The following RPS6KA2 variants were observed in gnomAD, a reference collection of about 807,000 sequenced individuals.
RPS6KA2 encodes ribosomal protein S6 kinase A2.
A neutral mutation model predicts 91.8 loss-of-function variants in RPS6KA2; 42 were observed. The observed-to-expected ratio is 0.46, with a 90% CI of 0.36 to 0.59. The LOEUF is 0.59. Ranked by LOEUF, RPS6KA2 falls within the 20% of genes least tolerant of loss-of-function variation. The probability of loss-of-function intolerance (pLI) is 0.00; values close to 1 mark genes in which losing one functional copy is unlikely to be tolerated. For synonymous variants in RPS6KA2, 414 were observed against 393.6 expected, an observed-to-expected ratio of 1.05 and a Z score of -0.61; for missense variants, 798 against 978.5, an observed-to-expected ratio of 0.82 and a Z score of 2.46.
chr6:166,681,284 C>T (rs766994635), intron 2 of RPS6KA2, among the ~76,000 whole-genome samples: 12 of 152,196 alleles, frequency 7.9e-5, no homozygotes, highest in African/African-American at 1.4e-4. Context: ...GTGGGTTGCA[C>T]AATGGACTTG....
At chr6:166,708,618 C>T (rs911668892) in intron 2 of RPS6KA2, among the ~76,000 whole-genome samples, 2 of 152,206 alleles carry the variant, frequency 1.3e-5, no homozygotes, top group African/African-American at 4.8e-5. Context: ...CAAGACGTTT[C>T]GCAGGTCCTG....
Position 166,418,405 on chromosome 6 carries a change from A to T in RPS6KA2, c.1821-63T>A. ...TTTTACAACCTAAAATAAAGTTTGCAAGTTGATATCACCCCTTGGCTGTTC... is the reference window on the plus strand; with the variant it reads ...TTTTACAACCTAAAATAAAGTTTGCTAGTTGATATCACCCCTTGGCTGTTC... On this transcript the variant is annotated intron_variant, in intron 18 of 20. Coordinates refer to ENST00000265678, the MANE Select transcript of RPS6KA2 (RefSeq NM_021135.6). The surrounding 1 kb of genome is among the most constrained non-coding windows in gnomAD (Gnocchi z 4.9). 2 of 1,231,460 alleles carry T rather than the reference A, an allele frequency of 1.6e-6. No homozygotes were observed. The highest frequency in any genetic ancestry group is 2.4e-5 in the South Asian group (2 of 82,282). The allele number at this position is 1,231,460 out of a possible 1,614,324, so 76.3% of individuals were successfully genotyped here.
At position 166,698,719 on chromosome 6, in the gene RPS6KA2, C is replaced by G. The variant is rs529584822; in HGVS notation, c.123+159481G>C. 1.8e-4 allele frequency among the ~76,000 whole-genome samples: 27 copies of G among 152,300 alleles called. No individual in the cohort carries two copies. The South Asian group carries it at 5.4e-3, about 30-fold the overall frequency. Reference sequence around the variant, plus strand: ...GCCTCTCTGTTGGAGAGGGAAGAAGCTGCTGGCAGGAAGGGCTGGTGGATG... The same window carrying G: ...GCCTCTCTGTTGGAGAGGGAAGAAGGTGCTGGCAGGAAGGGCTGGTGGATG... On this transcript the variant is annotated intron_variant, in intron 2 of 21. Coordinates refer to the RPS6KA2 transcript ENST00000503859.
intron 2 of RPS6KA2, among the ~76,000 whole-genome samples, chr6:166,780,878 C>T (rs1010784007): frequency 1.3e-5 from 2 of 152,146 alleles, no homozygotes; most frequent in African/African-American, 4.8e-5. Context: ...TCTTGTAACA[C>T]CCCAGGCTGA....
intron 2 of RPS6KA2, among the ~76,000 whole-genome samples, chr6:166,657,168 A>G (rs1367948254): frequency 6.6e-6 from 1 of 152,162 alleles, no homozygotes; most frequent in Non-Finnish European, 1.5e-5. Flanking sequence ...GGAGAACTTC[A>G]TCATGGGCTA....
chr6:166,609,151 G>A (rs1362227949), intron 1 of RPS6KA2, among the ~76,000 whole-genome samples: 1 of 152,204 alleles, frequency 6.6e-6, no homozygotes, highest in Non-Finnish European at 1.5e-5. Flanking sequence ...ATAAATGTCT[G>A]CACAGACTTT....
Position 166,432,488 on chromosome 6 carries a change from G to A in RPS6KA2, c.1335C>T (p.Ile445=), listed in dbSNP as rs770833871. The change falls in exon 15 of 21, where the codon ATC becomes ATT. Residue 445 remains isoleucine, a splice_region_variant and synonymous_variant. Coordinates refer to ENST00000265678, the MANE Select transcript of RPS6KA2 (RefSeq NM_021135.6). ...AGGGGTCTCTCTTGCTCTTATCAAT[G>A]ATCTGGAACAAACACAGCACATGGC... ...KATDTEYAVK[I]IDKSKRDPSE... 3 of 1,606,580 alleles carry A rather than the reference G, an allele frequency of 1.9e-6. No homozygotes were observed. The East Asian group carries it at 6.7e-5, about 36-fold the overall frequency.
At chr6:166,422,726 C>G (rs1280848965) in intron 17 of RPS6KA2, among the ~76,000 whole-genome samples, 1 of 152,214 alleles carries the variant, frequency 6.6e-6, no homozygotes. Flanking sequence ...GACACAGACA[C>G]TGAACAACGT....
chr6:166,433,897 G>T lies in RPS6KA2; in HGVS notation c.1333-1407C>A, dbSNP rs1222077555. On this transcript the variant is annotated intron_variant, in intron 14 of 20. Coordinates refer to ENST00000265678, the MANE Select transcript of RPS6KA2 (RefSeq NM_021135.6). This position sits in a 1 kb window ranked among gnomAD's most constrained non-coding sequence, Gnocchi z 4.4. Reference sequence around the variant, plus strand: ...AGCCTCCAGAATAACTAGGACTACAGAGGTGTGTGCCACCCTACTCAGCTA... The same window carrying T: ...AGCCTCCAGAATAACTAGGACTACATAGGTGTGTGCCACCCTACTCAGCTA... 6.6e-6 allele frequency among the ~76,000 whole-genome samples: 1 copy of T among 152,122 alleles called. No individual in the cohort carries two copies. Among genetic ancestry groups the T allele is most frequent in the African/African-American group, 2.4e-5 (1 of 41,428 alleles).
intron 19 of RPS6KA2, 89 bp from the exon 20 acceptor site, chr6:166,414,020 A>C: frequency 1.6e-6 from 2 of 1,225,966 alleles, no homozygotes; most frequent in Non-Finnish European, 1.2e-6. Flanking sequence ...CTCTCCCTCT[A>C]TGGCAACACC....
At chr6:166,745,961 T>C (rs1416245425) in intron 2 of RPS6KA2, among the ~76,000 whole-genome samples, 4 of 152,170 alleles carry the variant, frequency 2.6e-5, no homozygotes, top group African/African-American at 9.7e-5. Context: ...AGTGAGGACA[T>C]GAGGAACGAA....
At chr6:166,598,187 T>C (rs1432592069) in intron 1 of RPS6KA2, among the ~76,000 whole-genome samples, 1 of 152,142 alleles carries the variant, frequency 6.6e-6, no homozygotes, top group East Asian at 1.9e-4. Context: ...AGAGAAGACA[T>C]TGTGGGGCCA....
intron 5 of RPS6KA2, among the ~76,000 whole-genome samples, chr6:166,505,822 C>T (rs907970847): frequency 2.6e-5 from 4 of 152,222 alleles, no homozygotes; most frequent in East Asian, 1.9e-4. Flanking sequence ...TTTTCTAGAT[C>T]GGTTAAGGTG....
At chr6:166,571,358 G>A (rs994741327) in intron 1 of RPS6KA2, among the ~76,000 whole-genome samples, 6 of 152,110 alleles carry the variant, frequency 3.9e-5, no homozygotes, top group African/African-American at 1.2e-4. Context: ...GCTGCTTCCC[G>A]AACAGCAAAG....
At chr6:166,669,853 G>A (rs531611741) in intron 2 of RPS6KA2, among the ~76,000 whole-genome samples, 32 of 152,344 alleles carry the variant, frequency 2.1e-4, no homozygotes, top group Admixed American at 1.4e-3. Flanking sequence ...CAGGGCCTAT[G>A]GGGAGACCTA....
At chr6:166,696,973 G>C (rs182111013) in intron 2 of RPS6KA2, among the ~76,000 whole-genome samples, 1 of 152,106 alleles carries the variant, frequency 6.6e-6, no homozygotes, top group Non-Finnish European at 1.5e-5. Context: ...ACTTCAGCCT[G>C]CCAACTGCAC....
intron 14 of RPS6KA2, among the ~76,000 whole-genome samples, chr6:166,436,499 C>A (rs990079301): frequency 1.3e-5 from 2 of 152,294 alleles, no homozygotes; most frequent in African/African-American, 2.4e-5. Context: ...GGGTCAGTCA[C>A]AGGACCAGAA....
rs541832547 is a variant in RPS6KA2, at chr6:166,723,501, T to TGGTGCC, written c.123+134698_123+134699insGGCACC. Among the ~76,000 whole-genome samples, 423 of 152,248 alleles carry TGGTGCC rather than the reference T, an allele frequency of 2.8e-3. 3 individuals carry two copies. Among genetic ancestry groups the TGGTGCC allele is most frequent in the African/African-American group, 9.8e-3 (406 of 41,556 alleles). On this transcript the variant is annotated intron_variant, in intron 2 of 21. Transcript: ENST00000503859. ...TCAGCTGGTGCCAGGGGACCCCCAG[T>TGGTGCC]AGTACCAGGAAGGCCGTGCCAGTAC...
chr6:166,775,495 G>C (rs561139710), intron 2 of RPS6KA2, among the ~76,000 whole-genome samples: 1 of 152,184 alleles, frequency 6.6e-6, no homozygotes, highest in Admixed American at 6.5e-5. Context: ...TAATCTTACT[G>C]ATGTGCTCCT....
Sources: allele counts gnomAD v4.1 joint callset (sites outside exome capture counted in the v4.1 genomes callset), GRCh38; gene constraint gnomAD v4.1.1; non-coding constraint Gnocchi (gnomAD v3.1); transcripts MANE v1.5; gene names NCBI Gene and HGNC (gene_info 2026-07-23, HGNC 2026-07-21).